The following KCNIP4 variants were observed in gnomAD, a reference collection of about 807,000 sequenced individuals.
KCNIP4 encodes Kv channel-interacting protein 4.
A neutral mutation model predicts 34.0 loss-of-function variants in KCNIP4; 12 were observed. The ratio of observed to expected loss-of-function variants is 0.35; its 90% CI spans 0.23 to 0.57. KCNIP4 has a LOEUF of 0.57. KCNIP4 is among the 20% of genes least tolerant of loss of function. The probability of loss-of-function intolerance (pLI) is 0.83; values close to 1 mark genes in which losing one functional copy is unlikely to be tolerated. For synonymous variants in KCNIP4, 124 were observed against 102.2 expected (o/e 1.21, Z -1.29); for missense variants, 238 against 311.7 (o/e 0.76, Z 1.78).
chr4:21,500,095 G>A (rs995630665), intron 1 of KCNIP4, among the ~76,000 whole-genome samples: 2 of 152,134 alleles, frequency 1.3e-5, no homozygotes, highest in Non-Finnish European at 2.9e-5. Flanking sequence ...ATCCTTTTAT[G>A]AAGCCCAACA....
At chr4:20,764,681 G>GACACACGCACACACACACACAC (rs71653898) in intron 3 of KCNIP4, among the ~76,000 whole-genome samples, 3 of 147,108 alleles carry the variant, frequency 2.0e-5, no homozygotes, top group African/African-American at 7.6e-5. Flanking sequence ...ATGGGAATTG[G>GACACACGCACACACACACACAC]ACACACACAC....
intron 1 of KCNIP4, among the ~76,000 whole-genome samples, chr4:21,573,799 G>T (rs1740530892): frequency 6.6e-6 from 1 of 152,080 alleles, no homozygotes; most frequent in Non-Finnish European, 1.5e-5. Flanking sequence ...TATCAGCCAG[G>T]TTACAGTCCT....
chr4:20,886,971 C>T (rs1171658610), intron 1 of KCNIP4, among the ~76,000 whole-genome samples: 3 of 151,946 alleles, frequency 2.0e-5, no homozygotes, highest in Non-Finnish European at 1.5e-5. Context: ...TCAATAAAAA[C>T]AGACATTAGG....
intron 1 of KCNIP4, among the ~76,000 whole-genome samples, chr4:21,247,046 T>A (rs1229673432): frequency 6.6e-6 from 1 of 152,194 alleles, no homozygotes; most frequent in African/African-American, 2.4e-5. Context: ...GAGATTTTAA[T>A]AACTTAACTC....
intron 1 of KCNIP4, among the ~76,000 whole-genome samples, chr4:21,190,449 AC>A (rs1755545993): frequency 9.0e-6 from 1 of 110,854 alleles, no homozygotes; most frequent in Non-Finnish European, 1.7e-5. Flanking sequence ...TGTGTGCCAC[AC>A]CTCCCTTACC....
chr4:21,812,445 T>A (rs539921001), intron 1 of KCNIP4, among the ~76,000 whole-genome samples: 2 of 152,026 alleles, frequency 1.3e-5, no homozygotes, highest in East Asian at 3.9e-4. Flanking sequence ...ATAACATAGC[T>A]GGAAAAAAAG....
In KCNIP4 at chr4:21,113,240, T is replaced by G. The variant is rs958937644; in HGVS notation, c.62-230531A>C. On this transcript the variant is annotated intron_variant, in intron 1 of 8. Transcript: ENST00000382152. ...GGGGCAGGACTGCCAAGAAACAAGT[T>G]CTTTCAAAAGTAACAAAGAAAATCT... 2.0e-5 allele frequency among the ~76,000 whole-genome samples: 3 copies of G among 152,096 alleles called. No homozygotes were observed. In the East Asian group the frequency reaches 5.8e-4, roughly 29 times the overall value.
intron 3 of KCNIP4, among the ~76,000 whole-genome samples, chr4:20,814,772 T>C (rs1036250241): frequency 2.6e-5 from 4 of 152,206 alleles, no homozygotes; most frequent in African/African-American, 9.7e-5. Flanking sequence ...CTAGTTGCCT[T>C]TCTCAGTGTT....
At chr4:20,848,995 T>C (rs778641655) in intron 3 of KCNIP4, among the ~76,000 whole-genome samples, 5 of 152,154 alleles carry the variant, frequency 3.3e-5, no homozygotes, top group Non-Finnish European at 7.3e-5. Flanking sequence ...CTGCCAGTGG[T>C]CAATACCACT....
intron 1 of KCNIP4, among the ~76,000 whole-genome samples, chr4:21,823,621 T>C (rs1234047067): frequency 1.3e-5 from 2 of 151,652 alleles, no homozygotes; most frequent in Non-Finnish European, 2.9e-5. Context: ...TAAATCAGAA[T>C]AGGGTAAGGG....
intron 1 of KCNIP4, among the ~76,000 whole-genome samples, chr4:21,826,288 G>A (rs570933324): frequency 3.9e-5 from 6 of 152,104 alleles, no homozygotes; most frequent in South Asian, 4.1e-4. Context: ...TATGAATACA[G>A]CAAGCATGGA....
At chr4:21,590,216 T>C (rs568614723) in intron 1 of KCNIP4, among the ~76,000 whole-genome samples, 114 of 152,038 alleles carry the variant, frequency 7.5e-4, no homozygotes, top group East Asian at 1.9e-4. Flanking sequence ...CTCATTCTGG[T>C]TGGAAAGGGA....
intron 1 of KCNIP4, among the ~76,000 whole-genome samples, chr4:21,355,773 A>G (rs991474653): frequency 6.6e-6 from 1 of 152,200 alleles, no homozygotes; most frequent in Non-Finnish European, 1.5e-5. Context: ...ATCAAGAGTA[A>G]AAGAAGAAAT....
intron 1 of KCNIP4, among the ~76,000 whole-genome samples, chr4:21,095,619 CTA>C (rs60360345): frequency 0.16 from 24,210 of 152,036 alleles, 2,022 homozygotes; most frequent in East Asian, 0.23. Context: ...AGTGCAAATG[CTA>C]TGTTTCATTA....
intron 1 of KCNIP4, among the ~76,000 whole-genome samples, chr4:21,224,517 C>A (rs1449889198): frequency 1.3e-5 from 2 of 149,964 alleles, no homozygotes; most frequent in African/African-American, 4.9e-5. Flanking sequence ...ACATTCCACC[C>A]ATAACAGTCC....
chr4:20,872,646 C>A (rs1446379053), intron 2 of KCNIP4, among the ~76,000 whole-genome samples: 7 of 152,054 alleles, frequency 4.6e-5, no homozygotes, highest in African/African-American at 1.7e-4. Context: ...ATAGCTCCTA[C>A]GAGAAGCTAC....
intron 1 of KCNIP4, among the ~76,000 whole-genome samples, chr4:20,958,513 T>G (rs945249339): frequency 6.6e-6 from 1 of 152,188 alleles, no homozygotes; most frequent in Non-Finnish European, 1.5e-5. Flanking sequence ...TAAAAATTGA[T>G]GAAGAGGAAT....
chr4:21,378,650 G>T (rs767509862), intron 1 of KCNIP4, among the ~76,000 whole-genome samples: 1 of 151,908 alleles, frequency 6.6e-6, no homozygotes, highest in Non-Finnish European at 1.5e-5. Context: ...CCTTCCAATT[G>T]CATTTGATCA....
intron 1 of KCNIP4, among the ~76,000 whole-genome samples, chr4:21,329,849 T>C (rs1268256761): frequency 6.6e-6 from 1 of 152,194 alleles, no homozygotes; most frequent in African/African-American, 2.4e-5. Flanking sequence ...TGTTATTCAA[T>C]GGGGAAGATG....
Sources: gnomAD v4.1 joint callset for allele counts (sites outside exome capture counted in the v4.1 genomes callset) on GRCh38, gnomAD v4.1.1 for gene constraint, MANE v1.5 for transcripts, NCBI Gene and HGNC (gene_info 2026-07-23, HGNC 2026-07-21) for gene names.